THNSL1: variants seen among roughly 807,000 people sequenced by gnomAD.
THNSL1 encodes the protein threonine synthase-like 1.
THNSL1 carries 48 observed loss-of-function variants against 50.4 expected under a neutral mutation model. The observed-to-expected ratio is 0.95, with a 90% CI of 0.76 to 1.21. The LOEUF (loss-of-function observed/expected upper bound fraction) is 1.21. Among genes scored for constraint, THNSL1 ranks in the 50% most tolerant of loss-of-function variants. The pLI, the probability that THNSL1 is intolerant of heterozygous loss-of-function variation, is 0.00. For synonymous variants in THNSL1, 309 were observed against 306.1 expected, an observed-to-expected ratio of 1.01 and a Z score of -0.10; for missense variants, 896 against 871.7, an observed-to-expected ratio of 1.03 and a Z score of -0.35.
the THNSL1 span, among the ~76,000 whole-genome samples, chr10:24,988,256 A>G: frequency 2.9e-5 from 4 of 139,556 alleles, no homozygotes; most frequent in South Asian, 2.1e-4. Context: ...ATATATGTGT[A>G]TATATATATT....
the THNSL1 span, among the ~76,000 whole-genome samples, chr10:24,998,585 G>T: frequency 1.3e-5 from 2 of 151,720 alleles, no homozygotes; most frequent in East Asian, 1.9e-4. Flanking sequence ...GTCTTGCTTT[G>T]TTGCCCAGGT....
the THNSL1 span, among the ~76,000 whole-genome samples, chr10:24,968,946 T>C: frequency 6.6e-6 from 1 of 152,304 alleles, no homozygotes; most frequent in East Asian, 1.9e-4. Flanking sequence ...CAGGCTGGAG[T>C]CCACTGGTGT....
chr10:24,978,174 C>G, the THNSL1 span, among the ~76,000 whole-genome samples: 23,477 of 152,122 alleles, frequency 0.15, 2,554 homozygotes, highest in East Asian at 0.46. Context: ...TTCACTTACT[C>G]TGTTGCTAAC....
the THNSL1 span, among the ~76,000 whole-genome samples, chr10:24,978,385 T>C: frequency 2.0e-5 from 3 of 152,016 alleles, no homozygotes; most frequent in Non-Finnish European, 4.4e-5. Flanking sequence ...CATTCCTTTT[T>C]TTTTACTTTT....
At chr10:24,986,941 A>C in the THNSL1 span, among the ~76,000 whole-genome samples, 1 of 152,082 alleles carries the variant, frequency 6.6e-6, no homozygotes, top group African/African-American at 2.4e-5. Flanking sequence ...TTTTGGAAAA[A>C]ATTCAGACAG....
chr10:25,013,376 G>A (rs1850495202), upstream of THNSL1, among the ~76,000 whole-genome samples: 2 of 152,208 alleles, frequency 1.3e-5, no homozygotes, highest in East Asian at 3.8e-4. Flanking sequence ...AGATTAATGA[G>A]TTGAGATAAA....
chr10:24,980,029 T>C, the THNSL1 span, among the ~76,000 whole-genome samples: 1 of 152,256 alleles, frequency 6.6e-6, no homozygotes, highest in African/African-American at 2.4e-5. Flanking sequence ...TCTGCACTGC[T>C]ACAACCTTGA....
chr10:24,953,445 C>A, the THNSL1 span: 1 of 152,412 alleles, frequency 6.6e-6, no homozygotes, highest in East Asian at 1.9e-4. Context: ...TTTGCAAGAA[C>A]ATCTGGTCAG....
chr10:25,018,276 A>G (rs1175464482), intron 1 of THNSL1, among the ~76,000 whole-genome samples: 4 of 152,188 alleles, frequency 2.6e-5, no homozygotes, highest in Non-Finnish European at 4.4e-5. Context: ...TTTAAGCAAA[A>G]TTATTTCTAG....
the THNSL1 span, among the ~76,000 whole-genome samples, chr10:24,976,575 C>A: frequency 6.6e-6 from 1 of 151,976 alleles, no homozygotes; most frequent in African/African-American, 2.4e-5. Context: ...CTGCAACCTC[C>A]GCCTCCTGGG....
the THNSL1 span, among the ~76,000 whole-genome samples, chr10:24,962,226 A>C: frequency 3.9e-5 from 6 of 152,338 alleles, no homozygotes; most frequent in East Asian, 7.7e-4. Flanking sequence ...ATGTTATATC[A>C]TATATTTATA....
At chr10:24,958,630 A>G in the THNSL1 span, among the ~76,000 whole-genome samples, 1,995 of 152,208 alleles carry the variant, frequency 0.013, 43 homozygotes, top group African/African-American at 0.046. Context: ...TGGAGTAAAG[A>G]AAATAATATC....
the THNSL1 span, among the ~76,000 whole-genome samples, chr10:24,953,809 G>A: frequency 6.6e-6 from 1 of 152,184 alleles, no homozygotes; most frequent in African/African-American, 2.4e-5. Flanking sequence ...GTTATCAATC[G>A]GTTAATGACG....
chr10:24,964,271 G>C, the THNSL1 span, among the ~76,000 whole-genome samples: 1 of 152,108 alleles, frequency 6.6e-6, no homozygotes, highest in African/African-American at 2.4e-5. Flanking sequence ...GACCTCAGCT[G>C]TTTCCTACTC....
the THNSL1 span, among the ~76,000 whole-genome samples, chr10:24,957,135 A>G: frequency 1.3e-5 from 2 of 152,114 alleles, no homozygotes; most frequent in East Asian, 1.9e-4. Context: ...CTACTAACCA[A>G]CTTCTCCTAC....
At position 25,025,562 on chromosome 10, in the gene THNSL1, T is replaced by C. The variant is rs1564351330; in HGVS notation, c.*107T>C. 1 of 1,100,584 alleles carries C rather than the reference T, an allele frequency of 9.1e-7. No homozygotes were observed. The highest frequency in any genetic ancestry group is 2.5e-5 in the East Asian group (1 of 39,256). 68.2% of individuals were successfully genotyped at this position (1,100,584 alleles called of 1,614,324 possible). ...TTTGTCTTTTATGTAAATATCTCTA[T>C]ATCTGTTTGGAATTTCAAAAGTCTG... On this transcript the variant is annotated 3_prime_UTR_variant, in exon 3 of 3. Transcript: ENST00000376356.
At chr10:24,969,395 T>C in the THNSL1 span, among the ~76,000 whole-genome samples, 2 of 152,162 alleles carry the variant, frequency 1.3e-5, no homozygotes, top group African/African-American at 4.8e-5. Flanking sequence ...AATCAATAGG[T>C]CTGTTTTTAT....
At chr10:25,007,676 C>T in the THNSL1 span, among the ~76,000 whole-genome samples, 1 of 152,048 alleles carries the variant, frequency 6.6e-6, no homozygotes, top group African/African-American at 2.4e-5. Flanking sequence ...CCTCATGACC[C>T]GCCTGCCTCG....
the THNSL1 span, among the ~76,000 whole-genome samples, chr10:24,963,180 G>C: frequency 6.6e-6 from 1 of 152,128 alleles, no homozygotes; most frequent in Non-Finnish European, 1.5e-5. Context: ...ACTTTTCTGT[G>C]GGTCTGGGTA....
Sources: gnomAD v4.1 joint callset for allele counts (sites outside exome capture counted in the v4.1 genomes callset) on GRCh38, gnomAD v4.1.1 for gene constraint, MANE v1.5 for transcripts, NCBI Gene and HGNC (gene_info 2026-07-23, HGNC 2026-07-21) for gene names.